Variants in SEPTIN2 observed in about 807,000 individuals in gnomAD.
SEPTIN2 encodes septin-2.
A neutral mutation model predicts 46.5 loss-of-function variants in SEPTIN2; 34 were observed. The observed-to-expected ratio is 0.73, with a 90% CI of 0.56 to 0.97. The LOEUF (loss-of-function observed/expected upper bound fraction) is 0.97. SEPTIN2 is among the 50% of genes least tolerant of loss of function. SEPTIN2 has a pLI of 0.00. For synonymous variants in SEPTIN2, 175 were observed against 153.4 expected (o/e 1.14, Z -1.04); for missense variants, 347 against 448.4 (o/e 0.77, Z 2.04).
intron 1 of SEPTIN2, among the ~76,000 whole-genome samples, chr2:241,322,869 A>G (rs887453452): frequency 2.0e-5 from 3 of 152,156 alleles, no homozygotes; most frequent in South Asian, 2.1e-4. Context: ...GGGAAATGAC[A>G]TAATTCCAGA....
chr2:241,334,992 A>G (rs913097300), intron 3 of SEPTIN2, 134 bp from the exon 4 acceptor site: 22 of 632,440 alleles, frequency 3.5e-5, no homozygotes, highest in Non-Finnish European at 5.9e-5. Flanking sequence ...CAAACATAGT[A>G]GTACTGTAGG....
chr2:241,342,778 C>T (rs1472518597), intron 7 of SEPTIN2, among the ~76,000 whole-genome samples: 1 of 151,996 alleles, frequency 6.6e-6, no homozygotes, highest in East Asian at 1.9e-4. Flanking sequence ...CCTTGTGATC[C>T]ACCTGCCTCG....
chr2:241,335,639 C>T, intron 4 of SEPTIN2: 1 of 574,506 alleles, frequency 1.7e-6, no homozygotes, highest in Non-Finnish European at 3.1e-6. Context: ...ATAGTGAGAG[C>T]CTAAGACTTG....
At chr2:241,339,037 TTATA>T (rs1362531477) in intron 7 of SEPTIN2, among the ~76,000 whole-genome samples, 2 of 91,472 alleles carry the variant, frequency 2.2e-5, no homozygotes, top group South Asian at 3.3e-4. Flanking sequence ...TATATACATA[TTATA>T]TATACATTTT....
At chr2:241,334,186 T>C (rs1057161239) in intron 3 of SEPTIN2, among the ~76,000 whole-genome samples, 7 of 152,156 alleles carry the variant, frequency 4.6e-5, no homozygotes, top group African/African-American at 1.7e-4. Context: ...AAATAATTTT[T>C]CAAAAGAGAT....
At chr2:241,344,959 A>G (rs1206864261) in intron 9 of SEPTIN2, among the ~76,000 whole-genome samples, 1 of 151,736 alleles carries the variant, frequency 6.6e-6, no homozygotes, top group Non-Finnish European at 1.5e-5. Flanking sequence ...TAAAAATACA[A>G]AAAAATTAGC....
intron 9 of SEPTIN2, 37 bp downstream of exon 9, chr2:241,343,934 G>A (rs373522943): frequency 6.1e-5 from 99 of 1,611,334 alleles, no homozygotes; most frequent in Admixed American, 1.5e-4. Flanking sequence ...GCAGAATTTG[G>A]CGTGAAGAAT....
chr2:241,335,933 A>G (rs1182138753), intron 4 of SEPTIN2, 42 bp from the exon 5 acceptor site: 2 of 1,613,914 alleles, frequency 1.2e-6, no homozygotes, highest in Non-Finnish European at 1.7e-6. Flanking sequence ...TTTCCTCTTC[A>G]CATGCTGCTT....
chr2:241,343,285 G>A (rs1486315168), intron 8 of SEPTIN2, among the ~76,000 whole-genome samples, 192 bp downstream of exon 8: 1 of 152,098 alleles, frequency 6.6e-6, no homozygotes, highest in Non-Finnish European at 1.5e-5. Flanking sequence ...GATCAGTTGA[G>A]GCCAGGAGTT....
chr2:241,344,392 A>G (rs754438340), intron 9 of SEPTIN2, among the ~76,000 whole-genome samples: 27 of 152,172 alleles, frequency 1.8e-4, no homozygotes, highest in Non-Finnish European at 2.4e-4. Context: ...CTACAAAAAT[A>G]GTCTTCTTTA....
chr2:241,321,430 T>G (rs1426707221), intron 1 of SEPTIN2, among the ~76,000 whole-genome samples: 2 of 152,226 alleles, frequency 1.3e-5, no homozygotes, highest in Non-Finnish European at 2.9e-5. Flanking sequence ...TTACTTTAAT[T>G]CCCACCTTGG....
At chr2:241,347,576 A>C (rs1219815487) in intron 10 of SEPTIN2, among the ~76,000 whole-genome samples, 1 of 152,198 alleles carries the variant, frequency 6.6e-6, no homozygotes, top group African/African-American at 2.4e-5. Flanking sequence ...TCTCAAAGCA[A>C]ATTCTTCAGA....
intron 3 of SEPTIN2, among the ~76,000 whole-genome samples, chr2:241,332,344 TACAAAG>T (rs1254771587): frequency 1.3e-5 from 2 of 152,304 alleles, no homozygotes; most frequent in African/African-American, 4.8e-5. Flanking sequence ...ATGACCCACT[TACAAAG>T]AGGGGGCAAA....
At chr2:241,331,431 C>CT (rs1414320958) in intron 3 of SEPTIN2, among the ~76,000 whole-genome samples, 1 of 152,194 alleles carries the variant, frequency 6.6e-6, no homozygotes, top group Non-Finnish European at 1.5e-5. Context: ...CAGTCTTGCT[C>CT]TGTCATCCAG....
At position 241,338,658 on chromosome 2, in the gene SEPTIN2, A is replaced by G. The variant is rs1439300093; in HGVS notation, c.594+868A>G. ...TATATATAATATATATTACATATAT[A>G]TTATATCTATATTATTTATATTACA... is the stretch of plus-strand genomic sequence containing the variant. On this transcript the variant is annotated intron_variant, in intron 7 of 12. Coordinates refer to ENST00000391971, the MANE Select transcript of SEPTIN2 (RefSeq NM_004404.5). Among the ~76,000 whole-genome samples, 3 of 128,548 alleles carry G rather than the reference A, an allele frequency of 2.3e-5. No homozygotes were observed. In the Admixed American group the frequency reaches 2.9e-4, roughly 12 times the overall value. 84.3% of individuals were successfully genotyped at this position (128,548 alleles called of 152,430 possible).
chr2:241,320,574 A>G (rs2076980036), intron 1 of SEPTIN2, among the ~76,000 whole-genome samples: 1 of 152,154 alleles, frequency 6.6e-6, no homozygotes, highest in South Asian at 2.1e-4. Context: ...TGGGAGGATC[A>G]CCTGAGGTCA....
intron 1 of SEPTIN2, 39 bp from the exon 2 acceptor site, chr2:241,324,177 T>C (rs753090631): frequency 1.9e-5 from 31 of 1,599,504 alleles, no homozygotes; most frequent in Non-Finnish European, 2.6e-5. Context: ...ATACTATGTA[T>C]GTGCGTTTAT....
rs922640041 is a variant in SEPTIN2 at position 241,352,475 on chromosome 2, GT to G, written c.*542del. 2.8e-4 allele frequency: 42 copies of G among 152,712 alleles called. No homozygotes were observed. The highest frequency in any genetic ancestry group is 9.9e-4 in the African/African-American group (41 of 41,548). The allele number at this position is 152,712 out of a possible 1,614,324, so 9.5% of individuals were successfully genotyped here. On this transcript the variant is annotated 3_prime_UTR_variant, in exon 13 of 13. Transcript: ENST00000391971. ...TGTTTGTACACAACACCTAAAACCAGTTTTGCTGCTATAATTCTATACTGTT... is the reference window on the plus strand; with the variant it reads ...TGTTTGTACACAACACCTAAAACCAGTTTGCTGCTATAATTCTATACTGTT...
chr2:241,316,636 T>C, intron 1 of SEPTIN2: 1 of 1,053,064 alleles, frequency 9.5e-7, no homozygotes, highest in South Asian at 1.8e-5. Flanking sequence ...ACCTGTGGCT[T>C]CCGTGGTCTC....
Sources: gnomAD v4.1 joint callset for allele counts (sites outside exome capture counted in the v4.1 genomes callset) on GRCh38, gnomAD v4.1.1 for gene constraint, MANE v1.5 for transcripts, NCBI Gene and HGNC (gene_info 2026-07-23, HGNC 2026-07-21) for gene names.